RABGEF1: variants seen among roughly 807,000 people sequenced by gnomAD.
RABGEF1 encodes the protein RAB guanine nucleotide exchange factor 1, also known as rab5 GDP/GTP exchange factor.
RABGEF1 carries 26 observed loss-of-function variants against 57.3 expected under a neutral mutation model. The ratio of observed to expected loss-of-function variants is 0.45; its 90% CI spans 0.33 to 0.63. RABGEF1 has a LOEUF of 0.63. RABGEF1 is among the 20% of genes least tolerant of loss of function. The pLI is 0.02. For missense variants in RABGEF1, 464 were observed against 607.6 expected, an observed-to-expected ratio of 0.76 and a Z score of 2.48; for synonymous variants, 185 against 210.7, an observed-to-expected ratio of 0.88 and a Z score of 1.06.
chr7:66,784,691 G>T (rs1431218519), intron 4 of RABGEF1, among the ~76,000 whole-genome samples: 1 of 152,210 alleles, frequency 6.6e-6, no homozygotes, highest in African/African-American at 2.4e-5. Context: ...GTGGACTTGT[G>T]TCAAAATAAT....
At chr7:66,713,219 G>T in intron 2 of RABGEF1, among the ~76,000 whole-genome samples, 2 of 149,404 alleles carry the variant, frequency 1.3e-5, no homozygotes, top group South Asian at 4.2e-4. Flanking sequence ...TCAGCTCACC[G>T]CAAGCTCTGC....
chr7:66,703,742 C>T (rs368216053), intron 1 of RABGEF1, among the ~76,000 whole-genome samples: 2 of 152,198 alleles, frequency 1.3e-5, no homozygotes, highest in East Asian at 3.9e-4. Flanking sequence ...AGTCCTCCAA[C>T]TTTGTTCTTT....
At chr7:66,679,908 G>A (rs1789575761), upstream of RABGEF1, among the ~76,000 whole-genome samples, 1 of 152,134 alleles carries the variant, frequency 6.6e-6, no homozygotes, top group Non-Finnish European at 1.5e-5. Flanking sequence ...TGAGTGTGGT[G>A]GCACACACCT....
At chr7:66,736,935 GAC>G (rs561200940), upstream of RABGEF1, among the ~76,000 whole-genome samples, 14 of 152,018 alleles carry the variant, frequency 9.2e-5, 1 homozygote, top group South Asian at 2.1e-3. Context: ...TACGTATACA[GAC>G]ACACACACGT....
upstream of RABGEF1, among the ~76,000 whole-genome samples, chr7:66,678,782 G>T (rs1339817324): frequency 6.6e-6 from 1 of 152,092 alleles, no homozygotes; most frequent in Non-Finnish European, 1.5e-5. Context: ...TGTAATAACT[G>T]CTGGCAAGCA....
intron 1 of RABGEF1, among the ~76,000 whole-genome samples, chr7:66,750,609 T>C (rs1019691405): frequency 2.0e-5 from 3 of 152,248 alleles, no homozygotes; most frequent in African/African-American, 4.8e-5. Flanking sequence ...TTTCTAGTGC[T>C]ATAAATATAT....
At chr7:66,704,672 G>A (rs894094560) in intron 1 of RABGEF1, among the ~76,000 whole-genome samples, 4 of 152,042 alleles carry the variant, frequency 2.6e-5, no homozygotes, top group Admixed American at 1.3e-4. Flanking sequence ...TTAGCCGGGC[G>A]TGGTGGTGGG....
intron 1 of RABGEF1, among the ~76,000 whole-genome samples, chr7:66,760,201 C>T (rs562390357): frequency 9.8e-5 from 15 of 152,316 alleles, no homozygotes; most frequent in Middle Eastern, 3.4e-3. Flanking sequence ...GCCTTCGACA[C>T]TCTTAACCTG....
At chr7:66,690,614 C>G (rs1346743287) in intron 1 of RABGEF1, among the ~76,000 whole-genome samples, 2 of 151,296 alleles carry the variant, frequency 1.3e-5, no homozygotes, top group Admixed American at 1.3e-4. Context: ...ACTTGGGAGG[C>G]TGAGGTGAAA....
At chr7:66,728,397 C>G (rs563631463) in intron 2 of RABGEF1, among the ~76,000 whole-genome samples, 1 of 152,252 alleles carries the variant, frequency 6.6e-6, no homozygotes, top group Admixed American at 6.5e-5. Flanking sequence ...ATGGCTGGGT[C>G]AGCTTCGAGG....
upstream of RABGEF1, among the ~76,000 whole-genome samples, chr7:66,681,615 G>A (rs1339731433): frequency 6.6e-6 from 1 of 152,064 alleles, no homozygotes; most frequent in Admixed American, 6.5e-5. Context: ...TGTGGCCCAG[G>A]GTGGTCTCGA....
rs561015980 is a variant in RABGEF1, at chr7:66,740,733, A to C, written c.-77A>C. 1.3e-5 allele frequency: 2 copies of C among 152,652 alleles called. No individual in the cohort carries two copies. Among genetic ancestry groups the C allele is most frequent in the African/African-American group, 4.8e-5 (2 of 41,436 alleles). 9.5% of individuals were successfully genotyped at this position (152,652 alleles called of 1,614,324 possible). A position where few individuals can be genotyped will look rare whatever the true frequency, so the allele number is the denominator to read the frequency against. On this transcript the variant is annotated 5_prime_UTR_variant, in exon 1 of 9. Transcript: ENST00000284957. ...GAGGCGGGAGCTGGCCGCGGAGCCCAGACCTACCCGGGCGAAGCGGGCGAG... is the reference window on the plus strand; with the variant it reads ...GAGGCGGGAGCTGGCCGCGGAGCCCCGACCTACCCGGGCGAAGCGGGCGAG...
At chr7:66,763,214 G>C (rs1804876180) in intron 1 of RABGEF1, among the ~76,000 whole-genome samples, 1 of 152,110 alleles carries the variant, frequency 6.6e-6, no homozygotes, top group Non-Finnish European at 1.5e-5. Context: ...GTTCAAGCAG[G>C]CTCCGCTGGG....
At chr7:66,752,081 C>T (rs1220482544) in intron 1 of RABGEF1, among the ~76,000 whole-genome samples, 1 of 152,110 alleles carries the variant, frequency 6.6e-6, no homozygotes, top group African/African-American at 2.4e-5. Context: ...GTGGCTTGAA[C>T]TCAGCTACTC....
intron 1 of RABGEF1, among the ~76,000 whole-genome samples, chr7:66,710,635 T>C (rs1172538431): frequency 6.6e-6 from 1 of 152,226 alleles, no homozygotes; most frequent in Non-Finnish European, 1.5e-5. Context: ...TAATGACCAA[T>C]GATATAAAGC....
At position 66,724,396 on chromosome 7, in the gene RABGEF1, T is replaced by C. The variant is rs1392931294; in HGVS notation, c.-815+12172T>C. ...TTTTTTTTGAGACGGAGTCTCGCTC[T>C]GTCACCAGGTTGGAGTGCAGTGGCG... On this transcript the variant is annotated intron_variant and NMD_transcript_variant, in intron 2 of 9. Coordinates refer to the RABGEF1 transcript ENST00000607882. Among the ~76,000 whole-genome samples the C allele has an allele frequency of 2.0e-5, 3 of 152,230 alleles. No individual in the cohort carries two copies. The East Asian group carries it at 5.8e-4, about 29-fold the overall frequency.
chr7:66,781,693 C>T (rs1367920249), intron 3 of RABGEF1, among the ~76,000 whole-genome samples: 2 of 152,234 alleles, frequency 1.3e-5, no homozygotes, highest in African/African-American at 4.8e-5. Context: ...AGGGAACCCT[C>T]TGCAGATACC....
At chr7:66,704,870 T>C (rs1045301619) in intron 1 of RABGEF1, among the ~76,000 whole-genome samples, 3 of 152,220 alleles carry the variant, frequency 2.0e-5, no homozygotes, top group South Asian at 4.2e-4. Flanking sequence ...TGCTACTTCA[T>C]GTGCAGAGAA....
chr7:66,720,197 T>TTATTA (rs1562734007), intron 2 of RABGEF1, among the ~76,000 whole-genome samples: 6 of 133,342 alleles, frequency 4.5e-5, no homozygotes, highest in East Asian at 2.1e-4. Flanking sequence ...TATTATTATT[T>TTATTA]TTTTTTTTTT....
Sources: gnomAD v4.1 joint callset for allele counts (sites outside exome capture counted in the v4.1 genomes callset) on GRCh38, gnomAD v4.1.1 for gene constraint, MANE v1.5 for transcripts, NCBI Gene and HGNC (gene_info 2026-07-23, HGNC 2026-07-21) for gene names.